Variants in PLS1 observed in about 807,000 individuals in gnomAD.
PLS1 encodes plastin 1.
In PLS1, 32 loss-of-function variants were observed where a neutral mutation model predicts 73.7. That is an observed-to-expected ratio of 0.43 (90% CI 0.33 to 0.58). The LOEUF (loss-of-function observed/expected upper bound fraction) is 0.58. Ranked by LOEUF, PLS1 falls within the 20% of genes least tolerant of loss-of-function variation. PLS1 has a pLI of 0.04. For synonymous variants in PLS1, 217 were observed against 261.3 expected (o/e 0.83, Z 1.63); for missense variants, 633 against 740.5 (o/e 0.85, Z 1.68).
intron 1 of PLS1, among the ~76,000 whole-genome samples, chr3:142,631,051 G>A (rs2036548869): frequency 6.6e-6 from 1 of 151,620 alleles, no homozygotes; most frequent in Admixed American, 6.6e-5. Context: ...TTCAACAGAT[G>A]GTGTTGGAAA....
At position 142,636,547 on chromosome 3, in the gene PLS1, A is replaced by G. The variant is rs114991398; in HGVS notation, c.-36-27655A>G. On this transcript the variant is annotated intron_variant, in intron 1 of 15. Coordinates refer to ENST00000457734, the MANE Select transcript of PLS1 (RefSeq NM_001145319.2). ...ATTTCAAAGATACAACGCCAAAAGC[A>G]TGGTCTATGATAGAAAGGGTGGATA... 4.1e-3 allele frequency among the ~76,000 whole-genome samples: 618 copies of G among 152,374 alleles called. 4 individuals carry two copies. Among genetic ancestry groups the G allele is most frequent in the African/African-American group, 0.014 (592 of 41,596 alleles).
intron 1 of PLS1, among the ~76,000 whole-genome samples, chr3:142,652,070 C>T (rs1400434540): frequency 6.6e-6 from 1 of 152,174 alleles, no homozygotes; most frequent in Non-Finnish European, 1.5e-5. Context: ...TGGGGAGGGG[C>T]CTCTGTCTTC....
intron 1 of PLS1, among the ~76,000 whole-genome samples, chr3:142,647,578 C>G (rs1483555929): frequency 6.6e-6 from 1 of 150,996 alleles, no homozygotes; most frequent in Non-Finnish European, 1.5e-5. Context: ...TGTTGGCTCA[C>G]TGCAACCTCT....
intron 1 of PLS1, among the ~76,000 whole-genome samples, chr3:142,618,020 T>C (rs1039543530): frequency 3.9e-5 from 6 of 152,100 alleles, no homozygotes; most frequent in South Asian, 4.1e-4. Flanking sequence ...CTAGGCATCA[T>C]TTCATGTCTA....
chr3:142,666,084 A>C (rs1029864121), intron 2 of PLS1, among the ~76,000 whole-genome samples: 1 of 152,190 alleles, frequency 6.6e-6, no homozygotes, highest in Non-Finnish European at 1.5e-5. Flanking sequence ...CGGCCATCCA[A>C]TGTTATTAGA....
At chr3:142,612,033 T>C (rs2036132201) in intron 1 of PLS1, among the ~76,000 whole-genome samples, 1 of 152,226 alleles carries the variant, frequency 6.6e-6, no homozygotes, top group Non-Finnish European at 1.5e-5. Context: ...CTTCTCTAGG[T>C]ACTGAAATAT....
chr3:142,678,958 C>T (rs1290228508), intron 6 of PLS1, among the ~76,000 whole-genome samples: 16 of 152,218 alleles, frequency 1.1e-4, no homozygotes, highest in Middle Eastern at 3.4e-3. Flanking sequence ...TTTTAATGAT[C>T]GCCATTCTAA....
intron 1 of PLS1, among the ~76,000 whole-genome samples, chr3:142,655,146 G>A (rs1315637792): frequency 1.3e-5 from 2 of 152,054 alleles, no homozygotes; most frequent in Non-Finnish European, 2.9e-5. Flanking sequence ...ATAAATTAAT[G>A]TACATGAACG....
chr3:142,670,931 A>G (rs2037591970), intron 3 of PLS1, 62 bp from the exon 4 acceptor site: 2 of 1,126,874 alleles, frequency 1.8e-6, no homozygotes, highest in Non-Finnish European at 2.6e-6. Flanking sequence ...GTAAATAAAT[A>G]TCCATTTTGT....
At chr3:142,629,022 G>A (rs1413177088) in intron 1 of PLS1, among the ~76,000 whole-genome samples, 1 of 152,138 alleles carries the variant, frequency 6.6e-6, no homozygotes, top group East Asian at 1.9e-4. Context: ...ATGTGGACTT[G>A]TTCCTCACAC....
intron 1 of PLS1, among the ~76,000 whole-genome samples, chr3:142,601,656 G>C (rs1488739979): frequency 6.6e-6 from 1 of 151,986 alleles, no homozygotes; most frequent in Non-Finnish European, 1.5e-5. Context: ...CAGCCTCCCA[G>C]GTGTGGACCA....
At chr3:142,616,264 C>G (rs978412294) in intron 1 of PLS1, among the ~76,000 whole-genome samples, 44 of 152,176 alleles carry the variant, frequency 2.9e-4, no homozygotes, top group African/African-American at 1.1e-3. Flanking sequence ...AACATGAAGA[C>G]TTTCTTCAGA....
intron 1 of PLS1, among the ~76,000 whole-genome samples, chr3:142,658,701 T>TACA (rs2037297568): frequency 6.6e-6 from 1 of 152,214 alleles, no homozygotes; most frequent in Non-Finnish European, 1.5e-5. Context: ...AGTTTGCTTT[T>TACA]TTCATTTAGT....
intron 3 of PLS1, among the ~76,000 whole-genome samples, chr3:142,670,589 G>A (rs2037584422): frequency 1.3e-5 from 2 of 152,324 alleles, no homozygotes; most frequent in Non-Finnish European, 2.9e-5. Flanking sequence ...GTTTCTGTAA[G>A]CCTATGTTAT....
At chr3:142,662,926 G>A (rs962482027) in intron 1 of PLS1, among the ~76,000 whole-genome samples, 12 of 151,946 alleles carry the variant, frequency 7.9e-5, no homozygotes, top group African/African-American at 2.7e-4. Context: ...GGTCAGAAGG[G>A]GGCCGGGCTC....
At chr3:142,698,301 T>C (rs2038254075) in intron 12 of PLS1, 3 of 378,276 alleles carry the variant, frequency 7.9e-6, no homozygotes, top group East Asian at 1.0e-4. Context: ...TAGTACTTAA[T>C]GTTCTTTGAG....
chr3:142,671,541 C>G (rs1253425827), intron 4 of PLS1, among the ~76,000 whole-genome samples: 1 of 151,964 alleles, frequency 6.6e-6, no homozygotes, highest in Non-Finnish European at 1.5e-5. Flanking sequence ...GGATTTTTCT[C>G]TTCCATTTTC....
At chr3:142,676,708 A>G (rs185183099) in intron 5 of PLS1, among the ~76,000 whole-genome samples, 1 of 152,278 alleles carries the variant, frequency 6.6e-6, no homozygotes, top group Non-Finnish European at 1.5e-5. Context: ...GCCTTGTGTT[A>G]TCCTTGGCTC....
Position 142,684,137 on chromosome 3 carries a change from C to T in PLS1, c.711C>T (p.Gly237=), listed in dbSNP as rs1377906571. 2.5e-6 allele frequency: 4 copies of T among 1,613,768 alleles called. No individual in the cohort carries two copies. In the Admixed American group the frequency reaches 6.7e-5, roughly 27 times the overall value. ...TTCTCTGGCAGATCATCAAAGTTGG[C>T]CTTTTTGCTGATATTGAGATTTCCA... ...LGLLWQIIKV[G]LFADIEISRN... Residue 237 remains glycine, a synonymous_variant, in exon 7 of 16, where the codon GGC becomes GGT. Coordinates refer to ENST00000457734, the MANE Select transcript of PLS1 (RefSeq NM_001145319.2).
Sources: gnomAD v4.1 joint callset for allele counts (sites outside exome capture counted in the v4.1 genomes callset) on GRCh38, gnomAD v4.1.1 for gene constraint, MANE v1.5 for transcripts, NCBI Gene and HGNC (gene_info 2026-07-23, HGNC 2026-07-21) for gene names.